Variants in SIPA1L3 observed in about 807,000 individuals in gnomAD.
SIPA1L3 encodes the protein signal-induced proliferation-associated 1-like protein 3.
In SIPA1L3, 59 loss-of-function variants were observed where a neutral mutation model predicts 150.1. The observed-to-expected ratio is 0.39, with a 90% confidence interval of 0.32 to 0.49. The LOEUF (loss-of-function observed/expected upper bound fraction) is 0.49. Among genes scored for constraint, SIPA1L3 ranks in the 20% least tolerant of loss-of-function variants. The pLI is 0.86. For synonymous variants in SIPA1L3, 1,070 were observed against 1,077.6 expected, an observed-to-expected ratio of 0.99 and a Z score of 0.14; for missense variants, 2,211 against 2,489.5, an observed-to-expected ratio of 0.89 and a Z score of 2.38.
intron 17 of SIPA1L3, among the ~76,000 whole-genome samples, 172 bp downstream of exon 17, chr19:38,192,482 A>G (rs1028634662): frequency 6.6e-6 from 1 of 152,062 alleles, no homozygotes; most frequent in African/African-American, 2.4e-5. Flanking sequence ...CATGGCTGGG[A>G]GTGAGGGCAG....
intron 6 of SIPA1L3, among the ~76,000 whole-genome samples, chr19:38,103,901 C>CAA (rs66888884): frequency 9.4e-4 from 90 of 96,250 alleles, no homozygotes; most frequent in African/African-American, 1.7e-3. Context: ...GACTCCATAT[C>CAA]AAAAAAAAAA....
chr19:38,024,807 C>T (rs970552327), intron 1 of SIPA1L3, among the ~76,000 whole-genome samples: 25 of 152,096 alleles, frequency 1.6e-4, no homozygotes, highest in African/African-American at 5.8e-4. Flanking sequence ...TGTATTGATT[C>T]CTCAGGTCCC....
chr19:38,101,061 A>C lies in SIPA1L3; in HGVS notation c.1864A>C (p.Lys622Gln). The C allele has an allele frequency of 6.4e-7, 1 of 1,560,100 alleles. No individual in the cohort carries two copies. Among genetic ancestry groups the C allele is most frequent in the Non-Finnish European group, 8.7e-7 (1 of 1,152,196 alleles). ...LKLDEQGLCR[K>Q]HKVGILYCKA... ...ACTCTTGCCTCTGCAGCTCTGCCGG[A>C]AGCACAAGGTGGGCATCCTCTATTG... The change falls in exon 6 of 22, where the codon AAG (lysine) becomes CAG (glutamine). Residue 622 changes from lysine (K) to glutamine (Q), a missense_variant. Physicochemically the swap from Lys to Gln is moderately conservative, Grantham distance 53. Around this residue, in one of 5 missense-constraint regions of SIPA1L3, gnomAD observed 625 missense variants for 804.2 expected, o/e 0.78. Transcript: ENST00000222345.
At chr19:37,928,342 A>G (rs1185754481) in intron 1 of SIPA1L3, among the ~76,000 whole-genome samples, 1 of 152,116 alleles carries the variant, frequency 6.6e-6, no homozygotes, top group Non-Finnish European at 1.5e-5. Flanking sequence ...AGGCCGAGGC[A>G]GGTGGATCAT....
chr19:37,974,766 C>G (rs1322089461), intron 1 of SIPA1L3, among the ~76,000 whole-genome samples: 1 of 152,212 alleles, frequency 6.6e-6, no homozygotes, highest in African/African-American at 2.4e-5. Context: ...GTGGTACATC[C>G]CCTTCCCCAA....
chr19:38,132,830 T>C (rs1265792077), intron 10 of SIPA1L3, among the ~76,000 whole-genome samples: 2 of 151,944 alleles, frequency 1.3e-5, no homozygotes, highest in South Asian at 2.1e-4. Context: ...ATATTTTTAG[T>C]AGAGCTGGGG....
intron 2 of SIPA1L3, among the ~76,000 whole-genome samples, chr19:38,063,416 C>T (rs889459110): frequency 6.6e-6 from 1 of 152,204 alleles, no homozygotes; most frequent in Admixed American, 6.5e-5. Context: ...GAGCCACCCT[C>T]AGCCCGGCCC....
chr19:38,041,699 C>G (rs1968928874), intron 2 of SIPA1L3, among the ~76,000 whole-genome samples: 2 of 152,144 alleles, frequency 1.3e-5, no homozygotes, highest in Non-Finnish European at 2.9e-5. Flanking sequence ...GCCTCAGCCT[C>G]CCAAGTAGCT....
chr19:38,129,391 C>T (rs971912272), intron 9 of SIPA1L3, among the ~76,000 whole-genome samples: 8 of 151,256 alleles, frequency 5.3e-5, no homozygotes, highest in African/African-American at 1.7e-4. Context: ...TTTGGGAGGC[C>T]GAGGCGGGCA....
At chr19:38,044,021 G>A (rs1321263696) in intron 2 of SIPA1L3, among the ~76,000 whole-genome samples, 1 of 152,186 alleles carries the variant, frequency 6.6e-6, no homozygotes, top group South Asian at 2.1e-4. Context: ...TGAAGGAGGG[G>A]TGAGCCCATT....
chr19:37,942,445 C>T (rs1432549888), intron 1 of SIPA1L3, among the ~76,000 whole-genome samples: 1 of 149,598 alleles, frequency 6.7e-6, no homozygotes, highest in East Asian at 2.0e-4. Flanking sequence ...CAGGGAAGAG[C>T]TTTCCCAGCA....
intron 2 of SIPA1L3, among the ~76,000 whole-genome samples, chr19:38,045,496 C>T (rs966618731): frequency 6.1e-5 from 9 of 147,802 alleles, no homozygotes; most frequent in Non-Finnish European, 1.3e-4. Context: ...CGCTTGAGCC[C>T]GGGGGGTCGA....
At chr19:38,182,903 C>G in intron 16 of SIPA1L3, 163 bp downstream of exon 16, 1 of 594,394 alleles carries the variant, frequency 1.7e-6, no homozygotes, top group East Asian at 2.9e-5. Flanking sequence ...AGGCGAGAAC[C>G]CCTCTTGGGG....
chr19:38,096,538 C>A (rs1469697768), intron 4 of SIPA1L3, among the ~76,000 whole-genome samples: 1 of 151,912 alleles, frequency 6.6e-6, no homozygotes, highest in African/African-American at 2.4e-5. Flanking sequence ...TGTGAGCCAC[C>A]GCACCTGGCC....
chr19:38,157,283 C>T (rs1971970550), intron 13 of SIPA1L3, among the ~76,000 whole-genome samples: 3 of 152,194 alleles, frequency 2.0e-5, no homozygotes, highest in South Asian at 4.1e-4. Flanking sequence ...TGTACAGTTT[C>T]GTGGATTGTC....
chr19:37,926,840 A>G (rs1448180445), intron 1 of SIPA1L3, among the ~76,000 whole-genome samples: 1 of 152,168 alleles, frequency 6.6e-6, no homozygotes, highest in African/African-American at 2.4e-5. Context: ...CAAGTAGGCA[A>G]TGTATGTAGC....
intron 1 of SIPA1L3, among the ~76,000 whole-genome samples, chr19:38,022,819 C>T (rs1341339833): frequency 6.6e-6 from 1 of 152,232 alleles, no homozygotes; most frequent in African/African-American, 2.4e-5. Context: ...AAAGAATTTG[C>T]ACAGCCGCAC....
chr19:37,940,914 A>G (rs1159204511), intron 1 of SIPA1L3, among the ~76,000 whole-genome samples: 6 of 151,958 alleles, frequency 3.9e-5, no homozygotes, highest in Admixed American at 1.3e-4. Context: ...TGCAGTTTAT[A>G]TGTTCAGAAA....
Position 37,962,463 on chromosome 19 carries a change from CTTTT to C in SIPA1L3, c.-379+55125_-379+55128del, listed in dbSNP as rs71177491. ...TTGGCCATGAGCCACTGCAGCCGGC[CTTTT>C]TTTTTTTTTTTTTTTTTTTGAGATA... On this transcript the variant is annotated intron_variant, in intron 1 of 21. Transcript: ENST00000222345. Among the ~76,000 whole-genome samples the C allele has an allele frequency of 5.5e-5, 4 of 73,092 alleles. 1 individual carries two copies. Among genetic ancestry groups the C allele is most frequent in the Non-Finnish European group, 9.1e-5 (4 of 44,154 alleles). 48.0% of individuals were successfully genotyped at this position (73,092 alleles called of 152,430 possible). A position where few individuals can be genotyped will look rare whatever the true frequency, so the allele number is the denominator to read the frequency against.
Sources: allele counts gnomAD v4.1 joint callset (sites outside exome capture counted in the v4.1 genomes callset), GRCh38; gene constraint gnomAD v4.1.1; regional missense constraint gnomAD v4.1.1; transcripts MANE v1.5; gene names NCBI Gene and HGNC (gene_info 2026-07-23, HGNC 2026-07-21).